The following CAMKMT variants were observed in gnomAD, a reference collection of about 807,000 sequenced individuals.
CAMKMT encodes calmodulin-lysine N-methyltransferase.
CAMKMT carries 53 observed loss-of-function variants against 48.0 expected under a neutral mutation model. That is an observed-to-expected ratio of 1.10 (90% CI 0.89 to 1.39). The LOEUF (loss-of-function observed/expected upper bound fraction) is 1.39. CAMKMT is among the 40% of genes most tolerant of loss of function. The probability of loss-of-function intolerance (pLI) is 0.00; values close to 1 mark genes in which losing one functional copy is unlikely to be tolerated. For synonymous variants in CAMKMT, 165 were observed against 152.3 expected, an observed-to-expected ratio of 1.08 and a Z score of -0.61; for missense variants, 428 against 402.7, an observed-to-expected ratio of 1.06 and a Z score of -0.54.
intron 3 of CAMKMT, among the ~76,000 whole-genome samples, chr2:44,552,614 AC>A (rs1667782501): frequency 6.6e-6 from 1 of 152,150 alleles, no homozygotes; most frequent in African/African-American, 2.4e-5. Flanking sequence ...CGTTTCAGGA[AC>A]CATGCTAAGC....
At chr2:44,538,672 A>C (rs1666916847) in intron 3 of CAMKMT, among the ~76,000 whole-genome samples, 1 of 152,154 alleles carries the variant, frequency 6.6e-6, no homozygotes, top group South Asian at 2.1e-4. Flanking sequence ...TGGCCACAAT[A>C]TATACTGCTA....
At chr2:44,530,716 G>T (rs1666438781) in intron 3 of CAMKMT, among the ~76,000 whole-genome samples, 1 of 152,012 alleles carries the variant, frequency 6.6e-6, no homozygotes, top group Admixed American at 6.6e-5. Flanking sequence ...CCTCCACCCT[G>T]CCCCTATCTT....
intron 3 of CAMKMT, among the ~76,000 whole-genome samples, chr2:44,511,756 T>C (rs752642658): frequency 1.3e-4 from 20 of 152,200 alleles, no homozygotes; most frequent in Non-Finnish European, 2.6e-4. Flanking sequence ...TGTTCCCTCC[T>C]CCTGGACTGT....
At chr2:44,729,700 G>GATCACA (rs1444369086) in intron 7 of CAMKMT, among the ~76,000 whole-genome samples, 1 of 152,138 alleles carries the variant, frequency 6.6e-6, no homozygotes, top group Non-Finnish European at 1.5e-5. Context: ...AGTTGAGCAT[G>GATCACA]TGATCAGGCA....
At chr2:44,560,560 C>T (rs751266943) in intron 3 of CAMKMT, among the ~76,000 whole-genome samples, 10 of 152,190 alleles carry the variant, frequency 6.6e-5, no homozygotes, top group Non-Finnish European at 1.0e-4. Flanking sequence ...GCGTGAGCCA[C>T]GGTGCCCAGC....
intron 3 of CAMKMT, among the ~76,000 whole-genome samples, chr2:44,632,458 A>G (rs1232588966): frequency 1.3e-5 from 2 of 152,234 alleles, no homozygotes; most frequent in Non-Finnish European, 2.9e-5. Context: ...GATGTTATAG[A>G]TACACATAGA....
At chr2:44,585,807 T>G (rs1248518294) in intron 3 of CAMKMT, among the ~76,000 whole-genome samples, 1 of 152,182 alleles carries the variant, frequency 6.6e-6, no homozygotes, top group Non-Finnish European at 1.5e-5. Context: ...GGAGTCATAG[T>G]GGAATTCAAT....
In CAMKMT at chr2:44,621,862, G is replaced by C. The variant is rs535359852; in HGVS notation, c.377-82421G>C. ...TAGGACAAGAGTAAAATGGGGAAAA[G>C]TTGATAAAAGACTATTGCATTATTC... is the stretch of plus-strand genomic sequence containing the variant. On this transcript the variant is annotated intron_variant, in intron 3 of 10. Transcript: ENST00000378494. 5.3e-5 allele frequency among the ~76,000 whole-genome samples: 8 copies of C among 152,310 alleles called. No individual in the cohort carries two copies. In the South Asian group the frequency reaches 1.7e-3, roughly 32 times the overall value.
At chr2:44,695,416 C>T (rs1676884028) in intron 3 of CAMKMT, among the ~76,000 whole-genome samples, 1 of 152,110 alleles carries the variant, frequency 6.6e-6, no homozygotes, top group Admixed American at 6.5e-5. Flanking sequence ...ATGAAGTCCC[C>T]CTACTCACTA....
chr2:44,462,044 A>G (rs1473613727), intron 3 of CAMKMT, among the ~76,000 whole-genome samples: 1 of 152,180 alleles, frequency 6.6e-6, no homozygotes, highest in Non-Finnish European at 1.5e-5. Context: ...CTTTCTCCTT[A>G]TATCTTTGGA....
In CAMKMT at chr2:44,477,088, C is replaced by T. The variant is rs368714980; in HGVS notation, c.376+86783C>T. 1.3e-3 allele frequency among the ~76,000 whole-genome samples: 198 copies of T among 152,204 alleles called. 1 individual carries two copies. The highest frequency in any genetic ancestry group is 4.6e-3 in the African/African-American group (191 of 41,528). On this transcript the variant is annotated intron_variant, in intron 3 of 10. Coordinates refer to ENST00000378494, the MANE Select transcript of CAMKMT (RefSeq NM_024766.5). ...AATTATTTAAACAAAATTTGAAAAA[C>T]ATTGTAGGCATGTATTACCACATAC... is the stretch of plus-strand genomic sequence containing the variant.
intron 3 of CAMKMT, among the ~76,000 whole-genome samples, chr2:44,547,824 G>A (rs1026466790): frequency 3.4e-4 from 52 of 152,128 alleles, no homozygotes; most frequent in Admixed American, 3.1e-3. Context: ...TATCTCTAAC[G>A]GCCTAAATTT....
chr2:44,365,654 G>T (rs1678513952), intron 1 of CAMKMT, among the ~76,000 whole-genome samples: 2 of 152,204 alleles, frequency 1.3e-5, no homozygotes, highest in African/African-American at 4.8e-5. Context: ...GCTGTGTCCA[G>T]AATGGGGCAC....
chr2:44,654,676 C>T lies in CAMKMT; in HGVS notation c.377-49607C>T, dbSNP rs145051159. The stretch of plus-strand genomic sequence containing the variant: ...TACAGACGTGTGTCACCATGCCTGG[C>T]GAATTTTTTGTATTTTTTGGTAGAG... On this transcript the variant is annotated intron_variant, in intron 3 of 10. Transcript: ENST00000378494. Among the ~76,000 whole-genome samples the T allele has an allele frequency of 3.6e-3, 540 of 152,064 alleles. 1 individual carries two copies. The highest frequency in any genetic ancestry group is 0.012 in the African/African-American group (496 of 41,484).
In CAMKMT at chr2:44,641,336, C is replaced by T. The variant is rs528336761; in HGVS notation, c.377-62947C>T. On this transcript the variant is annotated intron_variant, in intron 3 of 10. Transcript: ENST00000378494. ...CCTTTCAAAGAATTATAGAGAAAGA[C>T]GGTCTTATGCACCCATTTAGTCTGC... Among the ~76,000 whole-genome samples, 163 of 152,136 alleles carry T rather than the reference C, an allele frequency of 1.1e-3. 1 individual carries two copies. The South Asian group carries it at 0.028, about 26-fold the overall frequency.
At chr2:44,471,449 A>G (rs1461523918) in intron 3 of CAMKMT, among the ~76,000 whole-genome samples, 3 of 152,028 alleles carry the variant, frequency 2.0e-5, no homozygotes, top group African/African-American at 7.2e-5. Flanking sequence ...TATATACAAA[A>G]TTTAGCTGGT....
Position 44,505,196 on chromosome 2 carries a change from C to G in CAMKMT, c.376+114891C>G, listed in dbSNP as rs558583122. On this transcript the variant is annotated intron_variant, in intron 3 of 10. Transcript: ENST00000378494. ...ATTTCAACATGAGATTTGGAGGGGT[C>G]AAACAAACCATATTGAAACTAGAGC... 6.6e-5 allele frequency among the ~76,000 whole-genome samples: 10 copies of G among 152,210 alleles called. No homozygotes were observed. In the East Asian group the frequency reaches 1.7e-3, roughly 26 times the overall value.
At chr2:44,692,333 C>A (rs1039202388) in intron 3 of CAMKMT, among the ~76,000 whole-genome samples, 2 of 152,126 alleles carry the variant, frequency 1.3e-5, no homozygotes, top group Non-Finnish European at 2.9e-5. Context: ...ATCCCCACAG[C>A]ACCCCATGAG....
intron 3 of CAMKMT, among the ~76,000 whole-genome samples, chr2:44,537,948 A>G (rs1666871911): frequency 6.6e-6 from 1 of 152,246 alleles, no homozygotes; most frequent in South Asian, 2.1e-4. Flanking sequence ...CAGTCCCACT[A>G]CTGGGTATCT....
Sources: allele counts gnomAD v4.1 joint callset (sites outside exome capture counted in the v4.1 genomes callset), GRCh38; gene constraint gnomAD v4.1.1; transcripts MANE v1.5; gene names NCBI Gene and HGNC (gene_info 2026-07-23, HGNC 2026-07-21).